The following PHACTR2 variants were observed in gnomAD, a reference collection of about 807,000 sequenced individuals.
PHACTR2 encodes the protein chromosome 6 open reading frame 56.
PHACTR2 carries 30 observed loss-of-function variants against 76.0 expected under a neutral mutation model. The ratio of observed to expected loss-of-function variants is 0.39; its 90% CI spans 0.30 to 0.54. The LOEUF (loss-of-function observed/expected upper bound fraction) is 0.54, where lower values mean the gene tolerates loss of function less well. PHACTR2 is among the 20% of genes least tolerant of loss of function. The pLI, the probability that PHACTR2 is intolerant of heterozygous loss-of-function variation, is 0.61. For missense variants in PHACTR2, 696 were observed against 781.1 expected (o/e 0.89, Z 1.30); for synonymous variants, 292 against 292.5 (o/e 1.00, Z 0.02).
At chr6:143,635,173 T>A (rs996035127) in intron 1 of PHACTR2, among the ~76,000 whole-genome samples, 4 of 152,226 alleles carry the variant, frequency 2.6e-5, no homozygotes, top group Non-Finnish European at 5.9e-5. Flanking sequence ...ATTATACATA[T>A]TGTTACATCA....
rs760285057 is a variant in PHACTR2, at chr6:143,772,397, G to A, written c.1372G>A (p.Gly458Arg). The A allele has an allele frequency of 2.0e-5, 32 of 1,614,082 alleles. No homozygotes were observed. The highest frequency in any genetic ancestry group is 1.0e-4 in the Admixed American group (6 of 60,008). ...CCAAGCCAATGACTCTGACTCGGAC[G>A]GGCCTATCTTGTACACCGATGATGA... ...EYQANDSDSD[G>R]PILYTDDEDE... Residue 458 changes from glycine to arginine, a missense_variant, in exon 7 of 13, where the codon GGG becomes AGG. Physicochemically the swap from Gly to Arg is moderately radical, Grantham distance 125. Transcript: ENST00000440869. This position sits in a 1 kb window ranked among gnomAD's most constrained non-coding sequence, Gnocchi z 5.4.
rs117511310 is a variant in PHACTR2 at position 143,541,770 on chromosome 6, G to C, written c.217+4563G>C. Among the ~76,000 whole-genome samples, 2,802 of 152,226 alleles carry C rather than the reference G, an allele frequency of 0.018. 47 individuals carry two copies. Among genetic ancestry groups the C allele is most frequent in the South Asian group, 0.033 (161 of 4,822 alleles). On this transcript the variant is annotated intron_variant, in intron 1 of 11. Coordinates refer to the PHACTR2 transcript ENST00000367584. The surrounding 1 kb of genome is among the most constrained non-coding windows in gnomAD (Gnocchi z 5.3). ...CTGGCCACTTCCATGAGATACTGCT[G>C]TCCAAGACCAGTTCTGCTGTTGGGT...
chr6:143,590,887 A>T (rs369749210), intron 1 of PHACTR2, among the ~76,000 whole-genome samples: 1 of 152,080 alleles, frequency 6.6e-6, no homozygotes, highest in African/African-American at 2.4e-5. Flanking sequence ...CCCTATCCCA[A>T]TGACAATCTT....
In PHACTR2 at chr6:143,688,405, TTG is replaced by T. The variant is rs1777569457; in HGVS notation, c.46+10200_46+10201del. Among the ~76,000 whole-genome samples, 1 of 152,028 alleles carries T rather than the reference TTG, an allele frequency of 6.6e-6. No individual in the cohort carries two copies. The highest frequency in any genetic ancestry group is 2.4e-5 in the African/African-American group (1 of 41,332). Reference sequence around the variant, plus strand: ...CTCTCAACTCCCAGAGTTACCCAGTTTGTGTCTGCAACTCTGACCTTTCTCTG... The same window carrying T: ...CTCTCAACTCCCAGAGTTACCCAGTTTGTCTGCAACTCTGACCTTTCTCTG... On this transcript the variant is annotated intron_variant, in intron 1 of 12. Coordinates refer to ENST00000440869, the MANE Select transcript of PHACTR2 (RefSeq NM_001100164.2). The surrounding 1 kb of genome is among the most constrained non-coding windows in gnomAD (Gnocchi z 5.2).
Position 143,779,570 on chromosome 6 carries a change from G to A in PHACTR2, c.1645+2187G>A, listed in dbSNP as rs556157338. On this transcript the variant is annotated intron_variant, in intron 9 of 12. Transcript: ENST00000440869. The stretch of plus-strand genomic sequence containing the variant: ...TTGCTATGTTGGCCAGGCTGGTCTC[G>A]AACTCCTGACTTCGTGATTCGCCCA... Among the ~76,000 whole-genome samples, 4 of 152,102 alleles carry A rather than the reference G, an allele frequency of 2.6e-5. No individual in the cohort carries two copies. The South Asian group carries it at 6.2e-4, about 24-fold the overall frequency.
In PHACTR2 at chr6:143,757,978, C is replaced by CAG. The variant is rs1422169190; in HGVS notation, c.455-2422_455-2421insGA. 1.7e-4 allele frequency among the ~76,000 whole-genome samples: 26 copies of CAG among 151,014 alleles called. No individual in the cohort carries two copies. On this transcript the variant is annotated intron_variant, in intron 4 of 12. Coordinates refer to ENST00000440869, the MANE Select transcript of PHACTR2 (RefSeq NM_001100164.2). The surrounding 1 kb of genome is among the most constrained non-coding windows in gnomAD (Gnocchi z 4.2). ...ACACGTGCGCGCACACACACACACA[C>CAG]ACACACACACATAACTTAAGAATTA... is the stretch of plus-strand genomic sequence containing the variant.
rs1235340472 is a variant in PHACTR2 at position 143,742,290 on chromosome 6, C to A, written c.215-6695C>A. Among the ~76,000 whole-genome samples, 2 of 152,124 alleles carry A rather than the reference C, an allele frequency of 1.3e-5. No homozygotes were observed. Among genetic ancestry groups the A allele is most frequent in the African/African-American group, 4.8e-5 (2 of 41,396 alleles). On this transcript the variant is annotated intron_variant, in intron 2 of 12. Coordinates refer to ENST00000440869, the MANE Select transcript of PHACTR2 (RefSeq NM_001100164.2). The surrounding 1 kb of genome is among the most constrained non-coding windows in gnomAD (Gnocchi z 4.5). ...TGCTTACAAGCTATCTCATTAAGAA[C>A]CTGTCTCGCTCCCTCTTTTGAGTCT... is the stretch of plus-strand genomic sequence containing the variant.
In PHACTR2 at chr6:143,806,906, A is replaced by C; in HGVS notation, c.1846-151A>C. 2 of 499,576 alleles carry C rather than the reference A, an allele frequency of 4.0e-6. No homozygotes were observed. Among genetic ancestry groups the C allele is most frequent in the South Asian group, 5.8e-5 (2 of 34,706 alleles). 30.9% of individuals were successfully genotyped at this position (499,576 alleles called of 1,614,324 possible). A position where few individuals can be genotyped will look rare whatever the true frequency, so the allele number is the denominator to read the frequency against. ...CAGGAGTTTGAGGCTGCAATGAGCCATGATCTCGCCACTCCACTCCAGCTT... is the reference window on the plus strand; with the variant it reads ...CAGGAGTTTGAGGCTGCAATGAGCCCTGATCTCGCCACTCCACTCCAGCTT... On this transcript the variant is annotated intron_variant, in intron 11 of 12. Transcript: ENST00000440869. This position sits in a 1 kb window ranked among gnomAD's most constrained non-coding sequence, Gnocchi z 5.8.
chr6:143,727,322 G>T (rs1778594534), intron 2 of PHACTR2, among the ~76,000 whole-genome samples: 1 of 151,826 alleles, frequency 6.6e-6, no homozygotes, highest in African/African-American at 2.4e-5. Flanking sequence ...GCATTCCATT[G>T]TGTGTACATA....
At position 143,654,604 on chromosome 6, in the gene PHACTR2, A is replaced by G. The variant is rs1257970571; in HGVS notation, c.13+46282A>G. 1.3e-5 allele frequency among the ~76,000 whole-genome samples: 2 copies of G among 152,102 alleles called. No individual in the cohort carries two copies. The highest frequency in any genetic ancestry group is 4.8e-5 in the African/African-American group (2 of 41,406). On this transcript the variant is annotated intron_variant, in intron 1 of 11. Transcript: ENST00000305766. The surrounding 1 kb of genome is among the most constrained non-coding windows in gnomAD (Gnocchi z 4.6). ...AGGATCACTCGAGGCCTGGAGTTCA[A>G]GACCAGCCTGAGCAACATAGCAAGA...
chr6:143,610,395 A>G lies in PHACTR2; in HGVS notation c.13+2073A>G, dbSNP rs374399518. ...TTTGCCTAAATTTTTCTAATCAGAA[A>G]TGAATTGAGGCCCTGGATTTCAGAG... On this transcript the variant is annotated intron_variant, in intron 1 of 11. Coordinates refer to the PHACTR2 transcript ENST00000305766. The surrounding 1 kb of genome is among the most constrained non-coding windows in gnomAD (Gnocchi z 4.9). 5.9e-5 allele frequency among the ~76,000 whole-genome samples: 9 copies of G among 152,192 alleles called. No individual in the cohort carries two copies. The highest frequency in any genetic ancestry group is 2.2e-4 in the African/African-American group (9 of 41,444).
rs894759607 is a variant in PHACTR2, at chr6:143,708,830, G to A, written c.47-3186G>A. On this transcript the variant is annotated intron_variant, in intron 1 of 12. Transcript: ENST00000440869. This position sits in a 1 kb window ranked among gnomAD's most constrained non-coding sequence, Gnocchi z 5.5. ...ATAGGCTGTTCTTAATTGCTTCAGA[G>A]GGAAAGTAGAATTTTTATGCAGCAT... Among the ~76,000 whole-genome samples, 1 of 152,180 alleles carries A rather than the reference G, an allele frequency of 6.6e-6. No individual in the cohort carries two copies. Among genetic ancestry groups the A allele is most frequent in the African/African-American group, 2.4e-5 (1 of 41,450 alleles).
chr6:143,571,749 T>G lies in PHACTR2; in HGVS notation c.217+34542T>G, dbSNP rs1775448873. The stretch of plus-strand genomic sequence containing the variant: ...ATCATTAAAAAAATCATTTCCTTAC[T>G]TTCTGGGACCACAAGACGTTCCAGA... On this transcript the variant is annotated intron_variant, in intron 1 of 11. Transcript: ENST00000367584. This position sits in a 1 kb window ranked among gnomAD's most constrained non-coding sequence, Gnocchi z 4.6. Among the ~76,000 whole-genome samples the G allele has an allele frequency of 1.3e-5, 2 of 152,184 alleles. No individual in the cohort carries two copies. The highest frequency in any genetic ancestry group is 2.4e-5 in the African/African-American group (1 of 41,432).
intron 1 of PHACTR2, among the ~76,000 whole-genome samples, chr6:143,579,649 G>T (rs1215493412): frequency 2.0e-5 from 3 of 152,152 alleles, no homozygotes; most frequent in Non-Finnish European, 4.4e-5. Context: ...AAGGTGAGCG[G>T]AAGGGGCCTC....
rs895617275 is a variant in PHACTR2, at chr6:143,750,057, T to C, written c.295+992T>C. ...TTAACATTTTTTGGCATTCACTATTTGTAAATCAAAATGACATGCTTTTTT... is the reference window on the plus strand; with the variant it reads ...TTAACATTTTTTGGCATTCACTATTCGTAAATCAAAATGACATGCTTTTTT... On this transcript the variant is annotated intron_variant, in intron 3 of 12. Coordinates refer to ENST00000440869, the MANE Select transcript of PHACTR2 (RefSeq NM_001100164.2). This position sits in a 1 kb window ranked among gnomAD's most constrained non-coding sequence, Gnocchi z 4.6. 1.3e-5 allele frequency among the ~76,000 whole-genome samples: 2 copies of C among 152,212 alleles called. No individual in the cohort carries two copies. The highest frequency in any genetic ancestry group is 4.1e-4 in the South Asian group (2 of 4,830).
At position 143,765,294 on chromosome 6, in the gene PHACTR2, C is replaced by T; in HGVS notation, c.728C>T (p.Ser243Phe). The T allele has an allele frequency of 6.2e-7, 1 of 1,614,132 alleles. No individual in the cohort carries two copies. The highest frequency in any genetic ancestry group is 2.2e-5 in the East Asian group (1 of 44,878). ...GSSHSKKTTG[S>F]KASASPSTSS... ...TCTCATTCAAAAAAAACAACTGGCT[C>T]TAAAGCATCAGCTTCGCCATCCACT... is the stretch of plus-strand genomic sequence containing the variant. Residue 243 changes from serine to phenylalanine, a missense_variant, in exon 6 of 13, where the codon TCT (serine) becomes TTT (phenylalanine). This residue lies in a region of PHACTR2 where 460 missense variants were observed against 450.9 expected (regional missense o/e 1.02). Transcript: ENST00000440869. This position sits in a 1 kb window ranked among gnomAD's most constrained non-coding sequence, Gnocchi z 4.1.
rs1776555061 is a variant in PHACTR2 at position 143,827,165 on chromosome 6, T to TATATAC, written c.*3481_*3482insCATATA. On this transcript the variant is annotated 3_prime_UTR_variant, in exon 13 of 13. Coordinates refer to ENST00000440869, the MANE Select transcript of PHACTR2 (RefSeq NM_001100164.2). ...GGCATTAAAAAAGAAAATATATATA[T>TATATAC]ATATATATATATATATATATATATA... 1.8e-5 allele frequency: 1 copy of TATATAC among 54,068 alleles called. No individual in the cohort carries two copies. The highest frequency in any genetic ancestry group is 4.4e-5 in the Non-Finnish European group (1 of 22,910). The allele number at this position is 54,068 out of a possible 1,614,324, so 3.3% of individuals were successfully genotyped here.
chr6:143,749,822 G>A (rs975381262), intron 3 of PHACTR2, among the ~76,000 whole-genome samples: 8 of 151,996 alleles, frequency 5.3e-5, no homozygotes, highest in Non-Finnish European at 7.4e-5. Context: ...GATTTTCATC[G>A]CTTCCACTAT....
At chr6:143,705,582 C>T (rs1309991718) in intron 1 of PHACTR2, among the ~76,000 whole-genome samples, 2 of 152,214 alleles carry the variant, frequency 1.3e-5, no homozygotes, top group Non-Finnish European at 2.9e-5. Flanking sequence ...AGGCATGAGC[C>T]ACCGTGCCTG....
Sources: gnomAD v4.1 joint callset for allele counts (sites outside exome capture counted in the v4.1 genomes callset) on GRCh38, gnomAD v4.1.1 for gene constraint, gnomAD v4.1.1 regional missense constraint, Gnocchi (gnomAD v3.1) non-coding constraint, MANE v1.5 for transcripts, NCBI Gene and HGNC (gene_info 2026-07-23, HGNC 2026-07-21) for gene names.